The following SMTNL2 variants were observed in gnomAD, a reference collection of about 807,000 sequenced individuals.
SMTNL2 encodes smoothelin like 2.
A neutral mutation model predicts 44.1 loss-of-function variants in SMTNL2; 43 were observed. The ratio of observed to expected loss-of-function variants is 0.98; its 90% CI spans 0.76 to 1.26. SMTNL2 has a LOEUF of 1.26. Among genes scored for constraint, SMTNL2 ranks in the 50% most tolerant of loss-of-function variants. The pLI is 0.00. For synonymous variants in SMTNL2, 317 were observed against 287.6 expected (o/e 1.10, Z -1.03); for missense variants, 646 against 670.2 (o/e 0.96, Z 0.40).
chr17:4,605,675 G>A (rs1196452698), intron 7 of SMTNL2, among the ~76,000 whole-genome samples: 1 of 152,024 alleles, frequency 6.6e-6, no homozygotes, highest in Non-Finnish European at 1.5e-5. Context: ...CTTATTGATG[G>A]GAAAAAAAAT....
At chr17:4,596,767 T>G in intron 5 of SMTNL2, 93 bp from the exon 6 acceptor site, 1 of 1,149,188 alleles carries the variant, frequency 8.7e-7, no homozygotes, top group Non-Finnish European at 1.2e-6. Context: ...GCACCCTCCT[T>G]GGTGGTGCCA....
Position 4,595,190 on chromosome 17 carries a change from G to T in SMTNL2, c.852G>T (p.Pro284=), listed in dbSNP as rs202198313. Reference sequence around the variant, plus strand: ...CCCAGTCGCCCGTGTCCCCGCAGCCGCCAGCCATAACTCAGGTCCATCGGC... The same window carrying T: ...CCCAGTCGCCCGTGTCCCCGCAGCCTCCAGCCATAACTCAGGTCCATCGGC... ...TPPQSPVSPQ[P]PAITQVHRQG... Residue 284 remains proline (P), a synonymous_variant, in exon 5 of 8, where the codon CCG becomes CCT. Coordinates refer to ENST00000389313, the MANE Select transcript of SMTNL2 (RefSeq NM_001114974.2). The surrounding 1 kb of genome is among the most constrained non-coding windows in gnomAD (Gnocchi z 5.1). The T allele has an allele frequency of 6.2e-7, 1 of 1,610,948 alleles. No homozygotes were observed. Among genetic ancestry groups the T allele is most frequent in the Non-Finnish European group, 8.5e-7 (1 of 1,179,520 alleles).
At chr17:4,604,192 C>T (rs375620300) in intron 7 of SMTNL2, among the ~76,000 whole-genome samples, 10 of 152,172 alleles carry the variant, frequency 6.6e-5, no homozygotes, top group African/African-American at 2.4e-4. Context: ...CACCTTTGCA[C>T]GCCTGCTCGC....
At chr17:4,585,954 C>T (rs1909332692) in intron 1 of SMTNL2, among the ~76,000 whole-genome samples, 1 of 152,184 alleles carries the variant, frequency 6.6e-6, no homozygotes, top group Non-Finnish European at 1.5e-5. Flanking sequence ...TGGCCCCAGA[C>T]CAAGTTTGGG....
chr17:4,589,714 C>A (rs1450962612), intron 1 of SMTNL2, among the ~76,000 whole-genome samples: 1 of 152,032 alleles, frequency 6.6e-6, no homozygotes, highest in East Asian at 1.9e-4. Context: ...CTGGAAAAAC[C>A]CCTCAGACCC....
intron 5 of SMTNL2, 103 bp from the exon 6 acceptor site, chr17:4,596,757 G>A: frequency 9.5e-7 from 1 of 1,057,162 alleles, no homozygotes; most frequent in South Asian, 1.8e-5. Context: ...GCAGGTGGGA[G>A]CACCCTCCTT....
chr17:4,594,729 T>C (rs925030793), intron 4 of SMTNL2, among the ~76,000 whole-genome samples: 3 of 150,218 alleles, frequency 2.0e-5, no homozygotes, highest in Non-Finnish European at 4.4e-5. Context: ...TTTTCTTTAA[T>C]AATAAAAGGA....
intron 7 of SMTNL2, among the ~76,000 whole-genome samples, chr17:4,603,976 C>T (rs1910154132): frequency 6.6e-6 from 1 of 152,136 alleles, no homozygotes; most frequent in Non-Finnish European, 1.5e-5. Flanking sequence ...TCCCGAGTAG[C>T]TGGGACTGCA....
intron 3 of SMTNL2, among the ~76,000 whole-genome samples, chr17:4,593,388 C>G (rs1025230140): frequency 6.6e-6 from 1 of 152,264 alleles, no homozygotes; most frequent in African/African-American, 2.4e-5. Flanking sequence ...GTGGGGGCGA[C>G]CGTGGCTTTT....
intron 1 of SMTNL2, among the ~76,000 whole-genome samples, chr17:4,590,396 G>A (rs1038501416): frequency 6.6e-6 from 1 of 152,074 alleles, no homozygotes; most frequent in African/African-American, 2.4e-5. Context: ...AAATGTGGGG[G>A]CCTCATCCCA....
At chr17:4,586,760 C>A (rs1242012871) in intron 1 of SMTNL2, among the ~76,000 whole-genome samples, 1 of 152,024 alleles carries the variant, frequency 6.6e-6, no homozygotes, top group African/African-American at 2.4e-5. Context: ...TGAGCTGGGC[C>A]GTGGGCCTTG....
chr17:4,605,153 G>GCTT (rs1910216818), intron 7 of SMTNL2, among the ~76,000 whole-genome samples: 1 of 82,250 alleles, frequency 1.2e-5, no homozygotes, highest in East Asian at 3.6e-4. Flanking sequence ...TTTTTGTTTG[G>GCTT]TTTTTTTTTT....
At chr17:4,601,324 A>T (rs1305691435) in intron 7 of SMTNL2, among the ~76,000 whole-genome samples, 2 of 151,734 alleles carry the variant, frequency 1.3e-5, no homozygotes, top group Middle Eastern at 6.3e-3. Context: ...CTGAAGTGGG[A>T]GGATCGTTTG....
At chr17:4,596,794 C>T (rs1408408519) in intron 5 of SMTNL2, 66 bp from the exon 6 acceptor site, 1 of 1,354,142 alleles carries the variant, frequency 7.4e-7, no homozygotes, top group Non-Finnish European at 9.7e-7. Context: ...CCTCCCCTGC[C>T]CCAGACCCGC....
chr17:4,603,268 G>C (rs1033933955), intron 7 of SMTNL2, among the ~76,000 whole-genome samples: 31 of 152,190 alleles, frequency 2.0e-4, no homozygotes, highest in Non-Finnish European at 8.8e-5. Flanking sequence ...GGTATCCTTT[G>C]TGGGAACAGT....
Position 4,600,605 on chromosome 17 carries a change from G to A in SMTNL2, c.1259+3282G>A, listed in dbSNP as rs527535989. On this transcript the variant is annotated intron_variant, in intron 7 of 7. Coordinates refer to ENST00000389313, the MANE Select transcript of SMTNL2 (RefSeq NM_001114974.2). This position sits in a 1 kb window ranked among gnomAD's most constrained non-coding sequence, Gnocchi z 4.7. ...ATAATTTATGGTCCCAGAGATTCCC[G>A]GTGGCCTAATCTGTGTGAATGATGC... Among the ~76,000 whole-genome samples the A allele has an allele frequency of 6.6e-4, 100 of 152,268 alleles. 3 individuals carry two copies. In the South Asian group the frequency reaches 0.013, roughly 19 times the overall value.
At chr17:4,588,178 T>G (rs1597408386) in intron 1 of SMTNL2, among the ~76,000 whole-genome samples, 2 of 152,232 alleles carry the variant, frequency 1.3e-5, no homozygotes, top group African/African-American at 4.8e-5. Context: ...GTGAACTGTC[T>G]TAGGATGGGG....
chr17:4,602,288 C>T (rs960627294), intron 7 of SMTNL2, among the ~76,000 whole-genome samples: 10 of 130,012 alleles, frequency 7.7e-5, no homozygotes, highest in Non-Finnish European at 1.3e-4. Context: ...TTTGCAGGGA[C>T]AATCTGGGGT....
In SMTNL2 at chr17:4,592,470, G is replaced by T; in HGVS notation, c.487+22G>T. The stretch of plus-strand genomic sequence containing the variant: ...GCAGGTAGGGCTGACGGCAGAGGAG[G>T]GGTGGCTGGGTAGGTTTGGGGGTTA... On this transcript the variant is annotated intron_variant, in intron 2 of 7. Coordinates refer to ENST00000389313, the MANE Select transcript of SMTNL2 (RefSeq NM_001114974.2). The surrounding 1 kb of genome is among the most constrained non-coding windows in gnomAD (Gnocchi z 4.5). 2 of 1,604,910 alleles carry T rather than the reference G, an allele frequency of 1.2e-6. No individual in the cohort carries two copies. The highest frequency in any genetic ancestry group is 1.7e-6 in the Non-Finnish European group (2 of 1,175,696).
Sources: gnomAD v4.1 joint callset for allele counts (sites outside exome capture counted in the v4.1 genomes callset) on GRCh38, gnomAD v4.1.1 for gene constraint, Gnocchi (gnomAD v3.1) non-coding constraint, MANE v1.5 for transcripts, NCBI Gene and HGNC (gene_info 2026-07-23, HGNC 2026-07-21) for gene names.